Variants in CELSR1 observed in about 807,000 individuals in gnomAD.
The protein encoded by CELSR1 is cadherin EGF LAG seven-pass G-type receptor 1.
In CELSR1, 110 loss-of-function variants were observed where a neutral mutation model predicts 249.1. The observed-to-expected ratio is 0.44, with a 90% CI of 0.38 to 0.52. The LOEUF (loss-of-function observed/expected upper bound fraction) is 0.52, where lower values mean the gene tolerates loss of function less well. Among genes scored for constraint, CELSR1 ranks in the 20% least tolerant of loss-of-function variants. CELSR1 has a pLI of 0.00. For synonymous variants in CELSR1, 2,113 were observed against 1,900.0 expected (o/e 1.11, Z -2.92); for missense variants, 4,109 against 4,296.4 (o/e 0.96, Z 1.22).
At position 46,463,912 on chromosome 22, in the gene CELSR1, G is replaced by A; in HGVS notation, c.3978C>T (p.Ser1326=). ...TGGTGGAGCTGAGGAAGGGCGCGGA[G>A]CTGTCGAATCGCAGAACGGACACGC... ...MKCVSVLRFD[S]SAPFLSSTTV... The change falls in exon 2 of 35, where the codon AGC becomes AGT. Residue 1326 remains serine, a synonymous_variant. Coordinates refer to ENST00000674500, the MANE Select transcript of CELSR1 (RefSeq NM_001378328.1). The A allele has an allele frequency of 6.2e-7, 1 of 1,613,962 alleles. No homozygotes were observed. Among genetic ancestry groups the A allele is most frequent in the Non-Finnish European group, 8.5e-7 (1 of 1,179,978 alleles).
chr22:46,481,145 A>G (rs1292286903), intron 1 of CELSR1, among the ~76,000 whole-genome samples: 2 of 152,080 alleles, frequency 1.3e-5, no homozygotes. Flanking sequence ...TGAGGCAGAA[A>G]AATGGCTTGA....
In CELSR1 at chr22:46,390,272, G is replaced by T; in HGVS notation, c.6345+120C>A. ...GCTGCGGGCCCGTGGGGCTGTCCCTGCGCCATCCCAGCCGCCCCAACACTC... is the reference window on the plus strand; with the variant it reads ...GCTGCGGGCCCGTGGGGCTGTCCCTTCGCCATCCCAGCCGCCCCAACACTC... On this transcript the variant is annotated intron_variant, in intron 17 of 34. Coordinates refer to ENST00000674500, the MANE Select transcript of CELSR1 (RefSeq NM_001378328.1). This position sits in a 1 kb window ranked among gnomAD's most constrained non-coding sequence, Gnocchi z 6.3. The T allele has an allele frequency of 1.2e-6, 1 of 809,378 alleles. No homozygotes were observed. Among genetic ancestry groups the T allele is most frequent in the Non-Finnish European group, 1.9e-6 (1 of 520,836 alleles). 50.1% of individuals were successfully genotyped at this position (809,378 alleles called of 1,614,324 possible).
At chr22:46,435,921 G>A (rs1336405409) in intron 4 of CELSR1, among the ~76,000 whole-genome samples, 1 of 151,458 alleles carries the variant, frequency 6.6e-6, no homozygotes, top group Non-Finnish European at 1.5e-5. Context: ...GGCTGGTCTC[G>A]ATCTCGTGAC....
rs1351718951 is a variant in CELSR1 at position 46,398,272 on chromosome 22, C to T, written c.5526+252G>A. On this transcript the variant is annotated intron_variant, in intron 11 of 34. Coordinates refer to ENST00000674500, the MANE Select transcript of CELSR1 (RefSeq NM_001378328.1). This position sits in a 1 kb window ranked among gnomAD's most constrained non-coding sequence, Gnocchi z 7.2. The stretch of plus-strand genomic sequence containing the variant: ...CTCGATTCAGGACACTTCACAAAGG[C>T]AGAGGGGCAGGTGGCTGGCATGGCG... 5.3e-5 allele frequency among the ~76,000 whole-genome samples: 8 copies of T among 152,016 alleles called. No individual in the cohort carries two copies. The East Asian group carries it at 1.5e-3, about 29-fold the overall frequency.
Position 46,408,933 on chromosome 22 carries a change from G to T in CELSR1, c.5226+63C>A. 7 of 1,384,300 alleles carry T rather than the reference G, an allele frequency of 5.1e-6. No homozygotes were observed. The highest frequency in any genetic ancestry group is 6.8e-6 in the Non-Finnish European group (7 of 1,029,494). The allele number at this position is 1,384,300 out of a possible 1,614,324, so 85.8% of individuals were successfully genotyped here. ...CCGAGTGTGCACCAGGAAGCCCAGC[G>T]CCTGGGTCCCTCCCTCGGGCACCCA... On this transcript the variant is annotated intron_variant, in intron 9 of 34. Coordinates refer to ENST00000674500, the MANE Select transcript of CELSR1 (RefSeq NM_001378328.1). The surrounding 1 kb of genome is among the most constrained non-coding windows in gnomAD (Gnocchi z 4.6).
At chr22:46,477,514 C>CTT (rs10683807) in intron 1 of CELSR1, among the ~76,000 whole-genome samples, 12,758 of 133,538 alleles carry the variant, frequency 0.096, 924 homozygotes, top group Admixed American at 0.13. Flanking sequence ...GTTTTATTGG[C>CTT]TTTTTTTTTT....
In CELSR1 at chr22:46,525,230, C is replaced by T. The variant is rs541796219; in HGVS notation, c.3544+8397G>A. Among the ~76,000 whole-genome samples, 3 of 152,310 alleles carry T rather than the reference C, an allele frequency of 2.0e-5. No homozygotes were observed. In the East Asian group the frequency reaches 5.8e-4, roughly 29 times the overall value. On this transcript the variant is annotated intron_variant, in intron 1 of 34. Coordinates refer to ENST00000674500, the MANE Select transcript of CELSR1 (RefSeq NM_001378328.1). ...TTGGGAGGCCGAAGCGGGCAGATCA[C>T]CTGAGGTCGGGAGTTCAAGACCAGC...
Position 46,533,913 on chromosome 22 carries a change from C to A in CELSR1, c.3258G>T (p.Thr1086=), listed in dbSNP as rs759502221. Residue 1086 remains threonine, a synonymous_variant, in exon 1 of 35, where the codon ACG becomes ACT. Coordinates refer to ENST00000674500, the MANE Select transcript of CELSR1 (RefSeq NM_001378328.1). The part of the protein sequence containing the change: ...ATSAPLVSRA[T]VHILLVDQND... ...TCTGGTCCACGAGAAGGATGTGCAC[C>A]GTGGCTCGGCTCACCAGCGGAGCCG... 3 of 1,613,018 alleles carry A rather than the reference C, an allele frequency of 1.9e-6. No individual in the cohort carries two copies. In the African/African-American group the frequency reaches 4.0e-5, roughly 22 times the overall value.
rs2080336769 is a variant in CELSR1, at chr22:46,488,438, A to G, written c.3545-24093T>C. On this transcript the variant is annotated intron_variant, in intron 1 of 34. Transcript: ENST00000674500. The surrounding 1 kb of genome is among the most constrained non-coding windows in gnomAD (Gnocchi z 4.7). ...ACAGGAGGCCACCGTAGTGCCATAG[A>G]GCGTGCACCTAGGCGTGCGTGCCAG... 6.6e-6 allele frequency among the ~76,000 whole-genome samples: 1 copy of G among 152,106 alleles called. No individual in the cohort carries two copies. Among genetic ancestry groups the G allele is most frequent in the Non-Finnish European group, 1.5e-5 (1 of 68,010 alleles).
chr22:46,536,678 G>T lies in CELSR1; in HGVS notation c.493C>A (p.Arg165Ser). ...AGGCAGATGGGACGGCCGGGACAGC[G>T]GGGCCTGGGGCGCGGCGGGCAGCGG... ...ACRCPPRPRP[R>S]CPGRPICLPP... The change falls in exon 1 of 35, where the codon CGC (arginine) becomes AGC (serine). Residue 165 changes from arginine (R) to serine (S), a missense_variant. Arg to Ser is a moderately radical substitution (Grantham distance 110). Transcript: ENST00000674500. 8.6e-7 allele frequency: 1 copy of T among 1,168,712 alleles called. No individual in the cohort carries two copies. Among genetic ancestry groups the T allele is most frequent in the African/African-American group, 1.6e-5 (1 of 61,590 alleles). 72.4% of individuals were successfully genotyped at this position (1,168,712 alleles called of 1,614,324 possible).
rs2079921435 is a variant in CELSR1 at position 46,454,357 on chromosome 22, G to A, written c.4183+9350C>T. 6.6e-6 allele frequency among the ~76,000 whole-genome samples: 1 copy of A among 152,182 alleles called. No homozygotes were observed. On this transcript the variant is annotated intron_variant, in intron 2 of 34. Coordinates refer to ENST00000674500, the MANE Select transcript of CELSR1 (RefSeq NM_001378328.1). This position sits in a 1 kb window ranked among gnomAD's most constrained non-coding sequence, Gnocchi z 5.1. Reference sequence around the variant, plus strand: ...GCGGCCACAGGAGACTCGTGCAGGGGTGAGCGAGCGTGCCCAGCCCTGCTG... The same window carrying A: ...GCGGCCACAGGAGACTCGTGCAGGGATGAGCGAGCGTGCCCAGCCCTGCTG...
intron 25 of CELSR1, among the ~76,000 whole-genome samples, chr22:46,371,067 A>G (rs1312323539): frequency 1.3e-5 from 2 of 152,174 alleles, no homozygotes; most frequent in Non-Finnish European, 2.9e-5. Context: ...CACAGTAAGC[A>G]CCTAATCTAG....
intron 1 of CELSR1, among the ~76,000 whole-genome samples, chr22:46,494,347 G>A (rs2080394386): frequency 6.6e-6 from 1 of 152,102 alleles, no homozygotes; most frequent in African/African-American, 2.4e-5. Flanking sequence ...GAATCAGATT[G>A]TCAATTTTTT....
chr22:46,470,894 G>A (rs1417855628), intron 1 of CELSR1, among the ~76,000 whole-genome samples: 2 of 152,186 alleles, frequency 1.3e-5, no homozygotes, highest in East Asian at 1.9e-4. Flanking sequence ...GGAGGCCGAG[G>A]TGGGCGGATC....
chr22:46,476,249 G>A (rs1197960301), intron 1 of CELSR1, among the ~76,000 whole-genome samples: 4 of 152,104 alleles, frequency 2.6e-5, no homozygotes, highest in Non-Finnish European at 5.9e-5. Context: ...ACCAATGTAT[G>A]AATGGACAAA....
chr22:46,516,242 T>C (rs1465213365), intron 1 of CELSR1, among the ~76,000 whole-genome samples: 1 of 152,004 alleles, frequency 6.6e-6, no homozygotes, highest in Non-Finnish European at 1.5e-5. Context: ...ATTAAGAAAA[T>C]GTGGCACATA....
rs1472475786 is a variant in CELSR1, at chr22:46,534,368, C to T, written c.2803G>A (p.Asp935Asn). ...GRLLYTFQGG[D>N]DGDGDFYIEP... is the part of the protein sequence containing the mutation. The stretch of plus-strand genomic sequence containing the variant: ...ATGTAGAAGTCCCCATCGCCGTCGT[C>T]CCCACCCTGGAAGGTGTACAGCAGA... Residue 935 changes from aspartate to asparagine, a missense_variant, in exon 1 of 35, where the codon GAC (aspartate) becomes AAC (asparagine). By Grantham distance (23) the Asp-to-Asn change is conservative. Coordinates refer to ENST00000674500, the MANE Select transcript of CELSR1 (RefSeq NM_001378328.1). This position sits in a 1 kb window ranked among gnomAD's most constrained non-coding sequence, Gnocchi z 9.7. 4.3e-6 allele frequency: 7 copies of T among 1,612,926 alleles called. No individual in the cohort carries two copies. Among genetic ancestry groups the T allele is most frequent in the Admixed American group, 1.7e-5 (1 of 60,028 alleles).
intron 1 of CELSR1, among the ~76,000 whole-genome samples, chr22:46,509,500 C>G (rs4823836): frequency 0.67 from 100,942 of 151,532 alleles, 33,718 homozygotes; most frequent in East Asian, 0.77. Context: ...GGGCAGCCCA[C>G]TTCCATGGCA....
chr22:46,511,642 G>A lies in CELSR1; in HGVS notation c.3544+21985C>T, dbSNP rs114547261. Among the ~76,000 whole-genome samples, 1,332 of 152,288 alleles carry A rather than the reference G, an allele frequency of 8.7e-3. 20 individuals carry two copies. Among genetic ancestry groups the A allele is most frequent in the African/African-American group, 0.03 (1,230 of 41,554 alleles). On this transcript the variant is annotated intron_variant, in intron 1 of 34. Coordinates refer to ENST00000674500, the MANE Select transcript of CELSR1 (RefSeq NM_001378328.1). Reference sequence around the variant, plus strand: ...CAGGGCAGTCAGTGGGGCTGACAGCGCCAACACCCCCACAATGCCACACTC... The same window carrying A: ...CAGGGCAGTCAGTGGGGCTGACAGCACCAACACCCCCACAATGCCACACTC...
Sources: gnomAD v4.1 joint callset for allele counts (sites outside exome capture counted in the v4.1 genomes callset) on GRCh38, gnomAD v4.1.1 for gene constraint, Gnocchi (gnomAD v3.1) non-coding constraint, MANE v1.5 for transcripts, NCBI Gene and HGNC (gene_info 2026-07-23, HGNC 2026-07-21) for gene names.